Variants in SQSTM1 observed in about 807,000 individuals in gnomAD.
The protein encoded by SQSTM1 is sequestosome-1.
In SQSTM1, 36 loss-of-function variants were observed where a neutral mutation model predicts 45.1. That is an observed-to-expected ratio of 0.80 (90% CI 0.61 to 1.05). The LOEUF (loss-of-function observed/expected upper bound fraction) is 1.05, where lower values mean the gene tolerates loss of function less well. Among genes scored for constraint, SQSTM1 ranks in the 50% least tolerant of loss-of-function variants. The probability of loss-of-function intolerance (pLI) is 0.00; values close to 1 mark genes in which losing one functional copy is unlikely to be tolerated. For synonymous variants in SQSTM1, 290 were observed against 244.3 expected (o/e 1.19, Z -1.74); for missense variants, 617 against 607.1 (o/e 1.02, Z -0.17).
chr5:179,819,489 G>T (rs1472024354), upstream of SQSTM1, among the ~76,000 whole-genome samples: 1 of 152,242 alleles, frequency 6.6e-6, no homozygotes, highest in African/African-American at 2.4e-5. Flanking sequence ...GGCCTTCCTT[G>T]TGTCCCTCAC....
upstream of SQSTM1, chr5:179,820,658 A>C (rs1010744861): frequency 4.9e-5 from 19 of 389,344 alleles, 1 homozygote; most frequent in South Asian, 8.4e-4. Flanking sequence ...TATGAGTGCC[A>C]GGGCCGGTTT....
At chr5:179,835,278 C>T (rs1224867625) in intron 7 of SQSTM1, 39 of 179,234 alleles carry the variant, frequency 2.2e-4, no homozygotes, top group South Asian at 4.1e-4. Flanking sequence ...ACTTCCCAGA[C>T]GGGGTGGCGG....
In SQSTM1 at chr5:179,825,214, C is replaced by T. The variant is rs1355548448; in HGVS notation, c.742C>T (p.Leu248Phe). 1 of 1,613,922 alleles carries T rather than the reference C, an allele frequency of 6.2e-7. No individual in the cohort carries two copies. Among genetic ancestry groups the T allele is most frequent in the Non-Finnish European group, 8.5e-7 (1 of 1,179,990 alleles). Residue 248 changes from leucine (L) to phenylalanine (F), a missense_variant, in exon 5 of 8, where the codon CTT becomes TTT. Physicochemically the swap from Leu to Phe is conservative, Grantham distance 22. Coordinates refer to ENST00000389805, the MANE Select transcript of SQSTM1 (RefSeq NM_003900.5). ...KNVGESVAAA[L>F]SPLGIEVDID... ...CGTTGGGGAGAGTGTGGCAGCTGCC[C>T]TTAGCCCTCTGGGTGAGTGCACCTC...
rs139575774 is a variant in SQSTM1 at position 179,833,174 on chromosome 5, T to C, written c.897T>C (p.Asn299=). Residue 299 remains asparagine, a synonymous_variant, in exon 6 of 8, where the codon AAT becomes AAC. Coordinates refer to ENST00000389805, the MANE Select transcript of SQSTM1 (RefSeq NM_003900.5). ...CCSDPSKPGG[N]VEGATQSLAE... ...CTGACCCCAGCAAGCCGGGTGGGAA[T>C]GTTGAGGGCGCCACGCAGTCTCTGG... is the stretch of plus-strand genomic sequence containing the variant. 4 of 1,613,888 alleles carry C rather than the reference T, an allele frequency of 2.5e-6. No homozygotes were observed. Among genetic ancestry groups the C allele is most frequent in the Non-Finnish European group, 3.4e-6 (4 of 1,179,942 alleles).
chr5:179,837,266 T>TAG lies in SQSTM1; in HGVS notation c.*679_*680dup, dbSNP rs1190494573. On this transcript the variant is annotated 3_prime_UTR_variant, in exon 8 of 8. Coordinates refer to ENST00000389805, the MANE Select transcript of SQSTM1 (RefSeq NM_003900.5). ...AGCACTTTAACCAATGACGTTTGCA[T>TAG]AGAGAGAAATGATTGACAGTAAGTT... 2 of 1,605,648 alleles carry TAG rather than the reference T, an allele frequency of 1.2e-6. No individual in the cohort carries two copies. The highest frequency in any genetic ancestry group is 4.5e-5 in the East Asian group (2 of 44,884).
intron 1 of SQSTM1, among the ~76,000 whole-genome samples, chr5:179,810,013 A>G (rs1287255069): frequency 2.0e-5 from 3 of 151,834 alleles, no homozygotes; most frequent in African/African-American, 7.3e-5. Context: ...CCAACTCCTG[A>G]CCTCAGGTGA....
Position 179,806,448 on chromosome 5 carries a change from A to G in SQSTM1, c.-300A>G, listed in dbSNP as rs1272204963. On this transcript the variant is annotated 5_prime_UTR_variant, in exon 1 of 6. Coordinates refer to the SQSTM1 transcript ENST00000514093. The surrounding 1 kb of genome is among the most constrained non-coding windows in gnomAD (Gnocchi z 4.6). ...GGGCCCGCTCCCGCCGCCGACGCCC[A>G]GGTGCGCCAGGTGCGGGCCGGGCGG... is the stretch of plus-strand genomic sequence containing the variant. 4.2e-6 allele frequency: 5 copies of G among 1,184,092 alleles called. No homozygotes were observed. Among genetic ancestry groups the G allele is most frequent in the Non-Finnish European group, 5.4e-6 (5 of 933,278 alleles). 73.3% of individuals were successfully genotyped at this position (1,184,092 alleles called of 1,614,324 possible).
At chr5:179,830,916 C>A (rs993326898) in intron 5 of SQSTM1, among the ~76,000 whole-genome samples, 2 of 152,010 alleles carry the variant, frequency 1.3e-5, no homozygotes, top group Admixed American at 1.3e-4. Flanking sequence ...CTGCCCAGGC[C>A]GATTTTGAAC....
chr5:179,817,778 G>C (rs888632098), upstream of SQSTM1, among the ~76,000 whole-genome samples: 10 of 152,290 alleles, frequency 6.6e-5, no homozygotes, highest in Admixed American at 4.6e-4. Context: ...GGGAGGCCGA[G>C]GTGGGCGGAT....
At chr5:179,830,275 G>T (rs1346558746) in intron 5 of SQSTM1, among the ~76,000 whole-genome samples, 1 of 152,136 alleles carries the variant, frequency 6.6e-6, no homozygotes, top group Non-Finnish European at 1.5e-5. Context: ...AAGAAAGAGG[G>T]GCTTCTAAAA....
At chr5:179,836,140 A>G (rs983864844) in intron 7 of SQSTM1, 3 of 532,496 alleles carry the variant, frequency 5.6e-6, no homozygotes, top group Non-Finnish European at 1.0e-5. Context: ...CTGTTCTTAC[A>G]TTTTAAAATC....
rs914023854 is a variant in SQSTM1 at position 179,833,358 on chromosome 5, AGCTGCT to A, written c.969+121_969+126del. The stretch of plus-strand genomic sequence containing the variant: ...GCAGCCCCACTTACAAACCCGAGGG[AGCTGCT>A]GCTGCTGCAGTGATGTCTGTGCCAT... On this transcript the variant is annotated intron_variant, in intron 6 of 7. Coordinates refer to ENST00000389805, the MANE Select transcript of SQSTM1 (RefSeq NM_003900.5). 7 of 1,127,200 alleles carry A rather than the reference AGCTGCT, an allele frequency of 6.2e-6. No homozygotes were observed. In the African/African-American group the frequency reaches 7.7e-5, roughly 12 times the overall value. The allele number at this position is 1,127,200 out of a possible 1,614,324, so 69.8% of individuals were successfully genotyped here.
At chr5:179,815,033 G>C (rs1053726335), upstream of SQSTM1, among the ~76,000 whole-genome samples, 4 of 152,178 alleles carry the variant, frequency 2.6e-5, no homozygotes, top group Non-Finnish European at 4.4e-5. Context: ...GGTGGCTTGA[G>C]GGGGAGCATA....
At chr5:179,823,482 A>C in intron 2 of SQSTM1, 2 of 194,782 alleles carry the variant, frequency 1.0e-5, no homozygotes, top group Non-Finnish European at 9.6e-6. Flanking sequence ...AAAAAAAAAG[A>C]CATTTTAAGT....
At chr5:179,825,605 A>G (rs1380829924) in intron 5 of SQSTM1, among the ~76,000 whole-genome samples, 9 of 152,200 alleles carry the variant, frequency 5.9e-5, no homozygotes, top group Non-Finnish European at 1.5e-5. Flanking sequence ...CCTGGGTAGT[A>G]GTTAGTTGAC....
At chr5:179,825,501 A>G (rs1328141832) in intron 5 of SQSTM1, among the ~76,000 whole-genome samples, 1 of 152,194 alleles carries the variant, frequency 6.6e-6, no homozygotes, top group Admixed American at 6.5e-5. Flanking sequence ...CTGTGGTTGC[A>G]GGTCTTGCCT....
chr5:179,834,511 T>C (rs1211322442), intron 7 of SQSTM1, among the ~76,000 whole-genome samples: 2 of 151,814 alleles, frequency 1.3e-5, no homozygotes, highest in Non-Finnish European at 2.9e-5. Flanking sequence ...GGTCAGCAGA[T>C]AAACAAGTGA....
intron 2 of SQSTM1, chr5:179,823,644 C>T (rs1365318201): frequency 6.7e-6 from 4 of 597,550 alleles, no homozygotes; most frequent in Non-Finnish European, 1.2e-5. Flanking sequence ...TGCTGCTGCT[C>T]TGCTGCCTGG....
intron 7 of SQSTM1, chr5:179,835,098 C>T (rs1294142374): frequency 9.4e-6 from 2 of 212,068 alleles, no homozygotes; most frequent in Non-Finnish European, 1.9e-5. Context: ...GGGTCGCGGC[C>T]AGGCAGAGGC....
Sources: allele counts gnomAD v4.1 joint callset (sites outside exome capture counted in the v4.1 genomes callset), GRCh38; gene constraint gnomAD v4.1.1; non-coding constraint Gnocchi (gnomAD v3.1); transcripts MANE v1.5; gene names NCBI Gene and HGNC (gene_info 2026-07-23, HGNC 2026-07-21).